The following PIEZO2 variants were observed in gnomAD, a reference collection of about 807,000 sequenced individuals.
The protein encoded by PIEZO2 is piezo-type mechanosensitive ion channel component 2.
In PIEZO2, 172 loss-of-function variants were observed where a neutral mutation model predicts 337.3. The ratio of observed to expected loss-of-function variants is 0.51; its 90% confidence interval spans 0.45 to 0.58. The LOEUF is 0.58. PIEZO2 is among the 20% of genes least tolerant of loss of function. PIEZO2 has a pLI of 0.00. For synonymous variants in PIEZO2, 1,251 were observed against 1,228.5 expected, an observed-to-expected ratio of 1.02 and a Z score of -0.38; for missense variants, 3,028 against 3,391.3, an observed-to-expected ratio of 0.89 and a Z score of 2.66.
intron 2 of PIEZO2, among the ~76,000 whole-genome samples, chr18:11,062,724 C>T (rs903801385): frequency 1.1e-4 from 16 of 152,150 alleles, no homozygotes; most frequent in Non-Finnish European, 2.1e-4. Flanking sequence ...CATCTTACAC[C>T]AGTTAGAATG....
chr18:10,754,602 C>G (rs527410563), intron 27 of PIEZO2, among the ~76,000 whole-genome samples: 1 of 152,294 alleles, frequency 6.6e-6, no homozygotes, highest in African/African-American at 2.4e-5. Context: ...TACTTATGTT[C>G]CCTTTGCAAT....
At chr18:11,141,323 C>G (rs1299893016) in intron 1 of PIEZO2, among the ~76,000 whole-genome samples, 1 of 152,030 alleles carries the variant, frequency 6.6e-6, no homozygotes, top group Non-Finnish European at 1.5e-5. Context: ...CTGGTTTGAC[C>G]AAGGTTAAGG....
Position 10,726,145 on chromosome 18 carries a change from G to A in PIEZO2, c.5029+5262C>T, listed in dbSNP as rs57967615. Among the ~76,000 whole-genome samples, 89,850 of 151,450 alleles carry A rather than the reference G, an allele frequency of 0.59. 27,010 individuals carry two copies. Among genetic ancestry groups the A allele is most frequent in the East Asian group, 0.87 (4,420 of 5,100 alleles). On this transcript the variant is annotated intron_variant, in intron 36 of 55. Coordinates refer to ENST00000674853, the MANE Select transcript of PIEZO2 (RefSeq NM_001378183.1). The surrounding 1 kb of genome is among the most constrained non-coding windows in gnomAD (Gnocchi z 5.9). Reference sequence around the variant, plus strand: ...GGTGCGTGGGTGTAGGGTGGTGGGGGGATGGGTGGGAGAGGATTCATATAT... The same window carrying A: ...GGTGCGTGGGTGTAGGGTGGTGGGGAGATGGGTGGGAGAGGATTCATATAT...
chr18:10,684,121 T>TC, intron 49 of PIEZO2, among the ~76,000 whole-genome samples: 1 of 137,152 alleles, frequency 7.3e-6, no homozygotes, highest in African/African-American at 2.7e-5. Flanking sequence ...TCTTTCTTTC[T>TC]TTCTCTCTCT....
rs2033721824 is a variant in PIEZO2 at position 10,670,456 on chromosome 18, G to T, written c.*1071C>A. 1 of 152,062 alleles carries T rather than the reference G, an allele frequency of 6.6e-6. No individual in the cohort carries two copies. The highest frequency in any genetic ancestry group is 1.5e-5 in the Non-Finnish European group (1 of 68,016). 9.4% of individuals were successfully genotyped at this position (152,062 alleles called of 1,614,324 possible). A position where few individuals can be genotyped will look rare whatever the true frequency, so the allele number is the denominator to read the frequency against. ...ACCAATAATAATAATTTAAGAAAAG[G>T]CCATTTTTATTTCCCCAAGCTCAAT... is the stretch of plus-strand genomic sequence containing the variant. On this transcript the variant is annotated 3_prime_UTR_variant, in exon 56 of 56. Coordinates refer to ENST00000674853, the MANE Select transcript of PIEZO2 (RefSeq NM_001378183.1).
At chr18:11,006,586 T>C (rs1160831541) in intron 2 of PIEZO2, among the ~76,000 whole-genome samples, 1 of 152,144 alleles carries the variant, frequency 6.6e-6, no homozygotes, top group African/African-American at 2.4e-5. Context: ...TAGCTTTCCA[T>C]TTACCCTCCC....
rs765066610 is a variant in PIEZO2, at chr18:10,691,210, T to G, written c.7349+15A>C. 1.9e-6 allele frequency: 3 copies of G among 1,610,558 alleles called. No homozygotes were observed. Among genetic ancestry groups the G allele is most frequent in the Non-Finnish European group, 2.5e-6 (3 of 1,178,448 alleles). The stretch of plus-strand genomic sequence containing the variant: ...CTTCCCCCATAAGTGACTGTGACGT[T>G]GCAGAGCGTCCTACCCTTGGAATAA... On this transcript the variant is annotated intron_variant, in intron 48 of 55. Coordinates refer to ENST00000674853, the MANE Select transcript of PIEZO2 (RefSeq NM_001378183.1).
intron 45 of PIEZO2, among the ~76,000 whole-genome samples, chr18:10,696,955 C>T (rs7245148): frequency 0.1 from 15,857 of 152,136 alleles, 1,645 homozygotes; most frequent in African/African-American, 0.26. Context: ...TGCCTAGGGC[C>T]AAGGTGGGAA....
chr18:10,922,098 C>T (rs1374360371), intron 3 of PIEZO2, among the ~76,000 whole-genome samples: 3 of 152,064 alleles, frequency 2.0e-5, no homozygotes, highest in African/African-American at 7.2e-5. Context: ...TATCCTATCA[C>T]CTTGTGAAGT....
chr18:10,884,718 C>T (rs915311607), intron 4 of PIEZO2, among the ~76,000 whole-genome samples: 4 of 151,986 alleles, frequency 2.6e-5, no homozygotes, highest in African/African-American at 7.3e-5. Flanking sequence ...ATTAGTGCAT[C>T]GAATAACTTA....
At chr18:11,041,421 C>T (rs1465503299) in intron 2 of PIEZO2, among the ~76,000 whole-genome samples, 2 of 151,802 alleles carry the variant, frequency 1.3e-5, no homozygotes, top group South Asian at 4.2e-4. Context: ...CTTGGAAGTT[C>T]AGCCTCGAGT....
intron 3 of PIEZO2, among the ~76,000 whole-genome samples, chr18:10,912,798 C>A (rs2030596884): frequency 6.6e-6 from 1 of 152,156 alleles, no homozygotes; most frequent in Non-Finnish European, 1.5e-5. Context: ...TGGGTTCATA[C>A]TAGTTGGTCA....
At chr18:10,732,844 C>T (rs1271221391) in intron 35 of PIEZO2, among the ~76,000 whole-genome samples, 1 of 152,130 alleles carries the variant, frequency 6.6e-6, no homozygotes, top group Non-Finnish European at 1.5e-5. Flanking sequence ...CTTGCCTCTG[C>T]ACAATATTGA....
intron 5 of PIEZO2, among the ~76,000 whole-genome samples, chr18:10,858,413 A>C (rs879204076): frequency 1.3e-5 from 2 of 151,502 alleles, no homozygotes; most frequent in Admixed American, 1.3e-4. Flanking sequence ...AGTCTGTCTG[A>C]GATGCATGAA....
intron 1 of PIEZO2, among the ~76,000 whole-genome samples, chr18:11,139,369 G>C (rs781088176): frequency 6.6e-6 from 1 of 152,196 alleles, no homozygotes; most frequent in South Asian, 2.1e-4. Flanking sequence ...AGGAGGAAGA[G>C]AAAGAATTTT....
chr18:11,033,416 A>T lies in PIEZO2; in HGVS notation c.160+32711T>A, dbSNP rs2036810254. On this transcript the variant is annotated intron_variant, in intron 2 of 55. Coordinates refer to ENST00000674853, the MANE Select transcript of PIEZO2 (RefSeq NM_001378183.1). The surrounding 1 kb of genome is among the most constrained non-coding windows in gnomAD (Gnocchi z 4.2). ...GACACGCCCCTGGATTTGTGTGAAC[A>T]TTCTATCTGTCATGGATTTGTATTT... Among the ~76,000 whole-genome samples the T allele has an allele frequency of 6.6e-6, 1 of 152,214 alleles. No individual in the cohort carries two copies.
At chr18:10,787,009 C>T (rs187329498) in intron 16 of PIEZO2, 27 bp downstream of exon 16, 125 of 1,515,374 alleles carry the variant, frequency 8.2e-5, no homozygotes, top group Non-Finnish European at 1.0e-4. Flanking sequence ...TCATCTTGTT[C>T]ATCATTTTCA....
intron 3 of PIEZO2, among the ~76,000 whole-genome samples, chr18:10,961,693 A>G (rs1439314961): frequency 6.6e-6 from 1 of 152,200 alleles, no homozygotes; most frequent in Non-Finnish European, 1.5e-5. Context: ...GTCAGCAGTA[A>G]ATAAAGGCAG....
At chr18:11,107,037 C>T (rs928111164) in intron 1 of PIEZO2, among the ~76,000 whole-genome samples, 2 of 152,088 alleles carry the variant, frequency 1.3e-5, no homozygotes, top group African/African-American at 4.8e-5. Flanking sequence ...CATTGGTTGA[C>T]CCCCCCAGTG....
Sources: gnomAD v4.1 joint callset for allele counts (sites outside exome capture counted in the v4.1 genomes callset) on GRCh38, gnomAD v4.1.1 for gene constraint, Gnocchi (gnomAD v3.1) non-coding constraint, MANE v1.5 for transcripts, NCBI Gene and HGNC (gene_info 2026-07-23, HGNC 2026-07-21) for gene names.